The following WDR55 variants were observed in gnomAD, a reference collection of about 807,000 sequenced individuals.
WDR55 encodes the protein WD repeat-containing protein 55.
Under a neutral mutation model 34.0 loss-of-function variants are expected in WDR55, and 31 were observed. The ratio of observed to expected loss-of-function variants is 0.91; its 90% CI spans 0.69 to 1.23. The LOEUF (loss-of-function observed/expected upper bound fraction) is 1.23. Ranked by LOEUF, WDR55 falls within the 50% of genes most tolerant of loss-of-function variation. The probability of loss-of-function intolerance (pLI) is 0.00; values close to 1 mark genes in which losing one functional copy is unlikely to be tolerated. For missense variants in WDR55, 440 were observed against 494.6 expected (o/e 0.89, Z 1.05); for synonymous variants, 164 against 185.9 (o/e 0.88, Z 0.96).
Position 140,670,477 on chromosome 5 carries a change from T to C in WDR55, c.*823T>C, listed in dbSNP as rs1758047384. 6.6e-6 allele frequency: 1 copy of C among 151,902 alleles called. No homozygotes were observed. The highest frequency in any genetic ancestry group is 1.5e-5 in the Non-Finnish European group (1 of 68,152). The allele number at this position is 151,902 out of a possible 1,614,324, so 9.4% of individuals were successfully genotyped here. A position where few individuals can be genotyped will look rare whatever the true frequency, so the allele number is the denominator to read the frequency against. ...AATTCTCCTGCCTCAGCCTCCCAAG[T>C]AGCTGGGATTACAGGTGTCTGCCAC... On this transcript the variant is annotated 3_prime_UTR_variant, in exon 7 of 7. Coordinates refer to ENST00000358337, the MANE Select transcript of WDR55 (RefSeq NM_017706.5).
chr5:140,667,058 A>G, intron 1 of WDR55: 1 of 985,416 alleles, frequency 1.0e-6, no homozygotes, highest in Non-Finnish European at 1.2e-6. Context: ...AATTATACCT[A>G]CCCTTGCAGA....
intron 5 of WDR55, 40 bp downstream of exon 5, chr5:140,669,030 G>A: frequency 6.2e-7 from 1 of 1,614,140 alleles, no homozygotes; most frequent in Non-Finnish European, 8.5e-7. Flanking sequence ...TGTGTGCTGG[G>A]GGCTTAGTCT....
Position 140,669,177 on chromosome 5 carries a change from T to C in WDR55, c.759T>C (p.Ala253=). 2 of 1,614,162 alleles carry C rather than the reference T, an allele frequency of 1.2e-6. No individual in the cohort carries two copies. The highest frequency in any genetic ancestry group is 8.5e-7 in the Non-Finnish European group (1 of 1,180,034). ...GATSDRFALR[A]ESIDCMVPVT... is the part of the protein sequence containing the mutation. ...CAAGTGACCGCTTTGCCCTGAGAGC[T>C]GAATCTATCGACTGCATGGTTCCAG... Residue 253 remains alanine, a synonymous_variant, in exon 6 of 7, where the codon GCT becomes GCC. Transcript: ENST00000358337.
At position 140,669,870 on chromosome 5, in the gene WDR55, A is replaced by C; in HGVS notation, c.*216A>C. On this transcript the variant is annotated 3_prime_UTR_variant, in exon 7 of 7. Coordinates refer to ENST00000358337, the MANE Select transcript of WDR55 (RefSeq NM_017706.5). The stretch of plus-strand genomic sequence containing the variant: ...TAGCCTCTGGAGCAGCTGGGACTAC[A>C]GGTGTGCACTACCACACCAGGCCAA... The C allele has an allele frequency of 1.8e-6, 1 of 559,188 alleles. No individual in the cohort carries two copies. The highest frequency in any genetic ancestry group is 3.1e-5 in the East Asian group (1 of 32,432). The allele number at this position is 559,188 out of a possible 1,614,324, so 34.6% of individuals were successfully genotyped here. A position where few individuals can be genotyped will look rare whatever the true frequency, so the allele number is the denominator to read the frequency against.
At position 140,668,696 on chromosome 5, in the gene WDR55, GC is replaced by G; in HGVS notation, c.466del (p.Arg156GlyfsTer6). The stretch of plus-strand genomic sequence containing the variant: ...CAGGTGGTATCTGTCTCTGGGACCA[GC>G]GGAAGGAGGGCCCCTTAATGGATAT... ...DTGGICLWDQRKEGPLMDMRQ... is the reference protein window; with the variant it reads ...DTGGICLWDQXKEGPLMDMRQ... On this transcript the variant is annotated frameshift_variant, in exon 4 of 7. Coordinates refer to ENST00000358337, the MANE Select transcript of WDR55 (RefSeq NM_017706.5). LOFTEE classifies it high-confidence loss of function. 1 of 1,614,198 alleles carries G rather than the reference GC, an allele frequency of 6.2e-7. No individual in the cohort carries two copies. The highest frequency in any genetic ancestry group is 8.5e-7 in the Non-Finnish European group (1 of 1,180,018).
chr5:140,666,819 G>A, intron 1 of WDR55: 3 of 985,390 alleles, frequency 3.0e-6, no homozygotes, highest in Non-Finnish European at 3.6e-6. Context: ...ACACTGTTCT[G>A]GAGTGTAATC....
chr5:140,666,688 C>A, intron 1 of WDR55: 5 of 984,584 alleles, frequency 5.1e-6, no homozygotes, highest in Non-Finnish European at 6.0e-6. Flanking sequence ...CAGAGAAATA[C>A]CTTTTACATT....
intron 1 of WDR55, among the ~76,000 whole-genome samples, chr5:140,666,131 T>G (rs1757917153): frequency 1.3e-5 from 2 of 152,128 alleles, no homozygotes; most frequent in Admixed American, 1.3e-4. Context: ...GCGTGGTGGC[T>G]CATGCCTGTA....
At chr5:140,668,870 C>G (rs1020320480) in intron 4 of WDR55, 21 bp from the exon 5 acceptor site, 2 of 1,614,060 alleles carry the variant, frequency 1.2e-6, no homozygotes, top group African/African-American at 2.7e-5. Flanking sequence ...GCGTCTAAGC[C>G]TACTGCTCTA....
Position 140,671,889 on chromosome 5 carries a change from C to T in WDR55, c.*2235C>T, listed in dbSNP as rs1758085954. On this transcript the variant is annotated 3_prime_UTR_variant, in exon 7 of 7. Coordinates refer to ENST00000358337, the MANE Select transcript of WDR55 (RefSeq NM_017706.5). ...TAGTGTGACCATGGGTAAGAAAAGACAATGAAGCCTTCAGCCTCCATTATT... is the reference window on the plus strand; with the variant it reads ...TAGTGTGACCATGGGTAAGAAAAGATAATGAAGCCTTCAGCCTCCATTATT... 6.3e-6 allele frequency: 6 copies of T among 952,342 alleles called. No individual in the cohort carries two copies. The South Asian group carries it at 8.6e-5, about 14-fold the overall frequency. The allele number at this position is 952,342 out of a possible 1,614,324, so 59.0% of individuals were successfully genotyped here.
chr5:140,668,367 T>C, intron 2 of WDR55, 33 bp downstream of exon 2: 1 of 1,613,976 alleles, frequency 6.2e-7, no homozygotes, highest in Non-Finnish European at 8.5e-7. Flanking sequence ...AGCAATGTGG[T>C]GGAAGGGAGC....
rs1312205658 is a variant in WDR55, at chr5:140,670,798, T to A, written c.*1144T>A. On this transcript the variant is annotated 3_prime_UTR_variant, in exon 7 of 7. Transcript: ENST00000358337. Reference sequence around the variant, plus strand: ...GCAAGACAGCACAGACACAAGTATATACTAACCAGGGGTTTAATATAAATA... The same window carrying A: ...GCAAGACAGCACAGACACAAGTATAAACTAACCAGGGGTTTAATATAAATA... 1 of 225,574 alleles carries A rather than the reference T, an allele frequency of 4.4e-6. No homozygotes were observed. Among genetic ancestry groups the A allele is most frequent in the African/African-American group, 2.3e-5 (1 of 43,964 alleles). The allele number at this position is 225,574 out of a possible 1,614,324, so 14.0% of individuals were successfully genotyped here.
In WDR55 at chr5:140,669,236, A is replaced by C. The variant is rs140483511; in HGVS notation, c.818A>C (p.Asp273Ala). 6.6e-5 allele frequency: 106 copies of C among 1,613,254 alleles called. No individual in the cohort carries two copies. In the African/African-American group the frequency reaches 1.1e-3, roughly 17 times the overall value. Residue 273 changes from aspartate to alanine, a missense_variant, in exon 6 of 7, where the codon GAT (aspartate) becomes GCT (alanine). Transcript: ENST00000358337. Reference protein sequence around the residue: ...TESLLCTGSTDGVIRAVNILP... With the variant: ...TESLLCTGSTAGVIRAVNILP... ...AGTCTGCTGTGTACTGGCTCCACTG[A>C]TGGAGTCATCAGGTGAGGGAAGCCT...
chr5:140,669,648 T>C lies in WDR55; in HGVS notation c.1146T>C (p.Ser382=), dbSNP rs1198659000. The C allele has an allele frequency of 1.2e-6, 2 of 1,611,584 alleles. No homozygotes were observed. The highest frequency in any genetic ancestry group is 8.5e-7 in the Non-Finnish European group (1 of 1,178,562). ...AAAAGGAGGAGACTGGGGATGACAG[T>C]GACTGAAGGAATGAATTGAATCTTG... ...QEEKEETGDD[S]D Residue 382 remains serine (S), a synonymous_variant, in exon 7 of 7, where the codon AGT becomes AGC. Coordinates refer to ENST00000358337, the MANE Select transcript of WDR55 (RefSeq NM_017706.5).
In WDR55 at chr5:140,671,638, C is replaced by T; in HGVS notation, c.*1984C>T. The T allele has an allele frequency of 6.3e-7, 1 of 1,577,972 alleles. No individual in the cohort carries two copies. The highest frequency in any genetic ancestry group is 2.3e-5 in the East Asian group (1 of 43,336). On this transcript the variant is annotated 3_prime_UTR_variant, in exon 7 of 7. Coordinates refer to ENST00000358337, the MANE Select transcript of WDR55 (RefSeq NM_017706.5). Reference sequence around the variant, plus strand: ...CCCTTGCCAAAGCCAACTGGCTGCCCTCTGGCTGTGGGGACCGCAAGAAGG... The same window carrying T: ...CCCTTGCCAAAGCCAACTGGCTGCCTTCTGGCTGTGGGGACCGCAAGAAGG...
chr5:140,666,351 G>A lies in WDR55; in HGVS notation c.191+1248G>A, dbSNP rs567814566. On this transcript the variant is annotated intron_variant, in intron 1 of 6. Coordinates refer to ENST00000358337, the MANE Select transcript of WDR55 (RefSeq NM_017706.5). ...GTGGAGGTGGCAGTGAGCCGAGATC[G>A]TGCCATTGCACTCCAGCCTGGGCAA... is the stretch of plus-strand genomic sequence containing the variant. Among the ~76,000 whole-genome samples, 24 of 152,280 alleles carry A rather than the reference G, an allele frequency of 1.6e-4. No individual in the cohort carries two copies. In the South Asian group the frequency reaches 1.7e-3, roughly 11 times the overall value.
Position 140,668,311 on chromosome 5 carries a change from T to A in WDR55, c.269T>A (p.Val90Glu). ...SGHHLKACRA[V>E]AFSEDGQKLI... The stretch of plus-strand genomic sequence containing the variant: ...CACCATCTCAAGGCCTGCCGAGCTG[T>A]GGCCTTCTCTGAAGATGGGCAGAGT... The change falls in exon 2 of 7, where the codon GTG (valine) becomes GAG (glutamate). Residue 90 changes from valine (V) to glutamate (E), a missense_variant. By Grantham distance (121) the Val-to-Glu change is moderately radical (BLOSUM62 -2). Transcript: ENST00000358337. The A allele has an allele frequency of 6.2e-7, 1 of 1,614,180 alleles. No individual in the cohort carries two copies.
Position 140,668,219 on chromosome 5 carries a change from T to C in WDR55, c.192-15T>C. The C allele has an allele frequency of 6.3e-7, 1 of 1,586,366 alleles. No homozygotes were observed. The highest frequency in any genetic ancestry group is 8.6e-7 in the Non-Finnish European group (1 of 1,165,508). On this transcript the variant is annotated splice_polypyrimidine_tract_variant and intron_variant, in intron 1 of 6. Transcript: ENST00000358337. ...CTGGGTCTGGAGTCATTTACCCTCC[T>C]TGCCCTCTCCCCAGCTTTTCCTACT...
chr5:140,669,202 G>T lies in WDR55; in HGVS notation c.784G>T (p.Val262Phe), dbSNP rs1758003683. The T allele has an allele frequency of 6.2e-7, 1 of 1,613,884 alleles. No individual in the cohort carries two copies. Among genetic ancestry groups the T allele is most frequent in the Non-Finnish European group, 8.5e-7 (1 of 1,180,034 alleles). The part of the protein sequence containing the change: ...RAESIDCMVP[V>F]TESLLCTGST... ...TGAATCTATCGACTGCATGGTTCCA[G>T]TCACCGAGAGTCTGCTGTGTACTGG... The change falls in exon 6 of 7, where the codon GTC (valine) becomes TTC (phenylalanine). Residue 262 changes from valine to phenylalanine, a missense_variant. Coordinates refer to ENST00000358337, the MANE Select transcript of WDR55 (RefSeq NM_017706.5).
Sources: gnomAD v4.1 joint callset for allele counts (sites outside exome capture counted in the v4.1 genomes callset) on GRCh38, gnomAD v4.1.1 for gene constraint, MANE v1.5 for transcripts, NCBI Gene and HGNC (gene_info 2026-07-23, HGNC 2026-07-21) for gene names.